Variants in RGS6 observed in about 807,000 individuals in gnomAD.
RGS6 encodes regulator of G-protein signaling 6.
RGS6 carries 30 observed loss-of-function variants against 78.5 expected under a neutral mutation model. The ratio of observed to expected loss-of-function variants is 0.38; its 90% confidence interval spans 0.29 to 0.52. RGS6 has a LOEUF of 0.52. Ranked by LOEUF, RGS6 falls within the 20% of genes least tolerant of loss-of-function variation. RGS6 has a pLI of 0.85. For synonymous variants in RGS6, 206 were observed against 206.0 expected (o/e 1.00, Z 0.00); for missense variants, 495 against 609.7 (o/e 0.81, Z 1.98).
the RGS6 span, among the ~76,000 whole-genome samples, chr14:72,595,589 C>G: frequency 6.6e-6 from 1 of 152,132 alleles, no homozygotes; most frequent in Non-Finnish European, 1.5e-5. Context: ...GGATTTCCTC[C>G]CTTTTCTTTA....
At chr14:72,117,333 C>A (rs1363200846) in intron 2 of RGS6, among the ~76,000 whole-genome samples, 1 of 152,150 alleles carries the variant, frequency 6.6e-6, no homozygotes, top group East Asian at 1.9e-4. Context: ...GGTGTCCTCC[C>A]TGAGGTCATG....
intron 2 of RGS6, among the ~76,000 whole-genome samples, chr14:72,062,581 T>C (rs2153437722): frequency 6.6e-6 from 1 of 152,362 alleles, no homozygotes; most frequent in Middle Eastern, 3.4e-3. Flanking sequence ...AGATATCTTT[T>C]GAAAATATTG....
At chr14:72,436,140 C>A (rs539426216) in intron 3 of RGS6, among the ~76,000 whole-genome samples, 4 of 152,184 alleles carry the variant, frequency 2.6e-5, no homozygotes, top group East Asian at 1.9e-4. Flanking sequence ...GGTGGCCTTG[C>A]GGATGGAAGT....
chr14:72,067,004 T>C (rs2094184236), intron 2 of RGS6, among the ~76,000 whole-genome samples: 1 of 152,184 alleles, frequency 6.6e-6, no homozygotes, highest in African/African-American at 2.4e-5. Context: ...TTCTTTTTTA[T>C]GGCTGCATAG....
chr14:72,216,808 C>A (rs1208653259), intron 2 of RGS6, among the ~76,000 whole-genome samples: 1 of 152,096 alleles, frequency 6.6e-6, no homozygotes, highest in Non-Finnish European at 1.5e-5. Context: ...TCCCCTATGC[C>A]TTTGATGAGA....
chr14:72,509,619 T>C (rs1432595634), intron 13 of RGS6, among the ~76,000 whole-genome samples: 3 of 152,240 alleles, frequency 2.0e-5, no homozygotes, highest in Admixed American at 6.5e-5. Flanking sequence ...GTTAAATCAA[T>C]AAGTGCATGT....
chr14:72,128,435 A>G (rs1362995335), intron 2 of RGS6, among the ~76,000 whole-genome samples: 1 of 152,164 alleles, frequency 6.6e-6, no homozygotes, highest in Non-Finnish European at 1.5e-5. Context: ...TCTGTTCTCA[A>G]CCTGAATGAC....
chr14:72,471,692 G>A (rs2096079918), intron 8 of RGS6, among the ~76,000 whole-genome samples: 2 of 152,164 alleles, frequency 1.3e-5, no homozygotes, highest in Admixed American at 6.5e-5. Context: ...CCTTTCTCCT[G>A]TCCATGATGC....
chr14:72,007,675 C>T lies in RGS6; in HGVS notation c.84+42800C>T, dbSNP rs962275623. ...CAGGGAAGCCAAAAGATTAGACACCCTTGGACGAAGGGCTTGCCTTACAGA... is the reference window on the plus strand; with the variant it reads ...CAGGGAAGCCAAAAGATTAGACACCTTTGGACGAAGGGCTTGCCTTACAGA... On this transcript the variant is annotated intron_variant, in intron 2 of 17. Transcript: ENST00000553525. Among the ~76,000 whole-genome samples, 5 of 152,132 alleles carry T rather than the reference C, an allele frequency of 3.3e-5. 1 individual carries two copies. Among genetic ancestry groups the T allele is most frequent in the South Asian group, 4.1e-4 (2 of 4,834 alleles).
At chr14:71,869,704 A>G in the RGS6 span, among the ~76,000 whole-genome samples, 3 of 152,222 alleles carry the variant, frequency 2.0e-5, no homozygotes, top group African/African-American at 7.2e-5. Flanking sequence ...TGGCATATCA[A>G]AACTTGACAC....
intron 3 of RGS6, among the ~76,000 whole-genome samples, chr14:72,382,505 T>C (rs2086434675): frequency 6.6e-6 from 1 of 152,166 alleles, no homozygotes; most frequent in African/African-American, 2.4e-5. Flanking sequence ...GAAGTGTGCA[T>C]TCGCAAACCA....
At chr14:71,986,589 A>G (rs911456552) in intron 2 of RGS6, among the ~76,000 whole-genome samples, 5 of 151,914 alleles carry the variant, frequency 3.3e-5, no homozygotes, top group Non-Finnish European at 4.4e-5. Flanking sequence ...GTGCACCTGT[A>G]ATCCCAACTA....
chr14:72,222,132 C>G (rs2047013946), intron 2 of RGS6, among the ~76,000 whole-genome samples: 1 of 152,206 alleles, frequency 6.6e-6, no homozygotes, highest in Non-Finnish European at 1.5e-5. Flanking sequence ...TTAGTTAATA[C>G]ATTTACATAG....
At chr14:72,036,977 G>C (rs2091803184) in intron 2 of RGS6, among the ~76,000 whole-genome samples, 1 of 152,148 alleles carries the variant, frequency 6.6e-6, no homozygotes, top group African/African-American at 2.4e-5. Context: ...GGGCTTCTGG[G>C]TCAGGTGGGG....
chr14:71,919,760 G>A, the RGS6 span, among the ~76,000 whole-genome samples: 6 of 152,238 alleles, frequency 3.9e-5, no homozygotes, highest in East Asian at 1.9e-4. Flanking sequence ...TTGGGAGGCC[G>A]AGGAGGGTGG....
At chr14:72,450,838 C>T (rs1321011101) in intron 3 of RGS6, among the ~76,000 whole-genome samples, 3 of 152,174 alleles carry the variant, frequency 2.0e-5, no homozygotes, top group African/African-American at 7.2e-5. Flanking sequence ...ATGCTTTCTC[C>T]TGCTGGTGAT....
intron 3 of RGS6, among the ~76,000 whole-genome samples, chr14:72,391,610 C>A (rs1379058787): frequency 6.6e-6 from 1 of 152,114 alleles, no homozygotes; most frequent in Non-Finnish European, 1.5e-5. Context: ...TATGTATATA[C>A]ACACACACTT....
intron 2 of RGS6, among the ~76,000 whole-genome samples, chr14:72,246,313 A>C (rs1304949297): frequency 1.3e-5 from 2 of 152,206 alleles, no homozygotes; most frequent in Non-Finnish European, 2.9e-5. Context: ...GTAGGTTCAA[A>C]ATAAACAATG....
chr14:71,889,595 A>G, the RGS6 span, among the ~76,000 whole-genome samples: 2 of 152,148 alleles, frequency 1.3e-5, no homozygotes, highest in African/African-American at 4.8e-5. Context: ...CAGAGAGGGG[A>G]TAATTGAGTT....
Sources: allele counts gnomAD v4.1 joint callset (sites outside exome capture counted in the v4.1 genomes callset), GRCh38; gene constraint gnomAD v4.1.1; transcripts MANE v1.5; gene names NCBI Gene and HGNC (gene_info 2026-07-23, HGNC 2026-07-21).